SRGAP1: variants seen among roughly 807,000 people sequenced by gnomAD.
The protein encoded by SRGAP1 is SLIT-ROBO Rho GTPase activating protein 1.
A neutral mutation model predicts 121.9 loss-of-function variants in SRGAP1; 43 were observed. The ratio of observed to expected loss-of-function variants is 0.35; its 90% CI spans 0.28 to 0.46. The LOEUF is 0.46. Among genes scored for constraint, SRGAP1 ranks in the 20% least tolerant of loss-of-function variants. The pLI is 1.00. For missense variants in SRGAP1, 1,102 were observed against 1,350.9 expected (o/e 0.82, Z 2.89); for synonymous variants, 447 against 485.4 (o/e 0.92, Z 1.04).
chr12:64,034,497 C>T (rs879357984), intron 4 of SRGAP1, among the ~76,000 whole-genome samples: 1 of 152,130 alleles, frequency 6.6e-6, no homozygotes, highest in Admixed American at 6.5e-5. Flanking sequence ...TGATTTTCTT[C>T]CTTTTACCTC....
chr12:64,156,301 C>T lies in SRGAP1; in HGVS notation c.*13629C>T, dbSNP rs1011743891. 2.0e-5 allele frequency: 3 copies of T among 152,132 alleles called. No individual in the cohort carries two copies. The highest frequency in any genetic ancestry group is 7.2e-5 in the African/African-American group (3 of 41,422). The allele number at this position is 152,132 out of a possible 1,614,324, so 9.4% of individuals were successfully genotyped here. On this transcript the variant is annotated 3_prime_UTR_variant, in exon 22 of 22. Transcript: ENST00000355086. ...TTTGTAGACTCATTTGCAGGAAGAACAATGTCAGGTGGAGAGAAGGAATTG... is the reference window on the plus strand; with the variant it reads ...TTTGTAGACTCATTTGCAGGAAGAATAATGTCAGGTGGAGAGAAGGAATTG...
intron 1 of SRGAP1, among the ~76,000 whole-genome samples, chr12:63,963,797 T>A (rs886716735): frequency 6.8e-6 from 1 of 148,148 alleles, no homozygotes; most frequent in Non-Finnish European, 1.5e-5. Context: ...TAAAAAAAAA[T>A]GTTTAAATAC....
intron 18 of SRGAP1, 116 bp downstream of exon 18, chr12:64,116,009 C>A: frequency 2.2e-6 from 2 of 900,260 alleles, no homozygotes; most frequent in Non-Finnish European, 1.7e-6. Flanking sequence ...AATCCCAGCA[C>A]GTTGGGAAGC....
chr12:63,887,023 G>A (rs1015131940), intron 1 of SRGAP1, among the ~76,000 whole-genome samples: 4 of 152,028 alleles, frequency 2.6e-5, no homozygotes, highest in Admixed American at 6.6e-5. Context: ...ACAGGCATCC[G>A]CCACCATGCC....
chr12:64,066,407 TTTGA>T (rs1446727772), intron 8 of SRGAP1, among the ~76,000 whole-genome samples: 1 of 152,190 alleles, frequency 6.6e-6, no homozygotes. Flanking sequence ...CATAGAACTC[TTTGA>T]TTGAGAATTC....
At chr12:63,967,328 G>C (rs561629480) in intron 1 of SRGAP1, among the ~76,000 whole-genome samples, 1 of 152,268 alleles carries the variant, frequency 6.6e-6, no homozygotes, top group African/African-American at 2.4e-5. Flanking sequence ...TATAGTCCCA[G>C]TTACTCGGGA....
chr12:64,152,492 A>G lies in SRGAP1; in HGVS notation c.*9820A>G, dbSNP rs2037129245. Reference sequence around the variant, plus strand: ...GTATCTTCAAGCCTAATGCATCACTAACTAAATAGCAAATCGGCGGAACTG... The same window carrying G: ...GTATCTTCAAGCCTAATGCATCACTGACTAAATAGCAAATCGGCGGAACTG... On this transcript the variant is annotated 3_prime_UTR_variant, in exon 22 of 22. Coordinates refer to ENST00000355086, the MANE Select transcript of SRGAP1 (RefSeq NM_020762.4). The G allele has an allele frequency of 6.6e-6, 1 of 152,196 alleles. No individual in the cohort carries two copies. Among genetic ancestry groups the G allele is most frequent in the Admixed American group, 6.5e-5 (1 of 15,284 alleles). 9.4% of individuals were successfully genotyped at this position (152,196 alleles called of 1,614,324 possible).
At chr12:64,031,334 A>G (rs936176937) in intron 4 of SRGAP1, among the ~76,000 whole-genome samples, 1 of 151,700 alleles carries the variant, frequency 6.6e-6, no homozygotes, top group Non-Finnish European at 1.5e-5. Context: ...AAAAAAAAAA[A>G]AATAGCTGCC....
At chr12:63,934,624 T>G (rs975365242) in intron 1 of SRGAP1, among the ~76,000 whole-genome samples, 1 of 152,112 alleles carries the variant, frequency 6.6e-6, no homozygotes, top group African/African-American at 2.4e-5. Context: ...TAATCTCTGA[T>G]TTTTCCAGGA....
intron 15 of SRGAP1, among the ~76,000 whole-genome samples, chr12:64,098,307 T>C (rs1166371260): frequency 6.6e-6 from 1 of 151,800 alleles, no homozygotes; most frequent in Non-Finnish European, 1.5e-5. Flanking sequence ...GATTTTGCCT[T>C]CTTTTCCCAA....
intron 6 of SRGAP1, among the ~76,000 whole-genome samples, chr12:64,048,828 T>C (rs1291459069): frequency 6.6e-6 from 1 of 152,180 alleles, no homozygotes; most frequent in Non-Finnish European, 1.5e-5. Flanking sequence ...TTTAGATCTT[T>C]TGCCTATTCT....
At position 64,127,575 on chromosome 12, in the gene SRGAP1, C is replaced by T. The variant is rs1309504911; in HGVS notation, c.2406-15C>T. ...AATCTAGTAAATTTTGTCTCCATTCCTCTTACTGCTTCAGGGATGATACGT... is the reference window on the plus strand; with the variant it reads ...AATCTAGTAAATTTTGTCTCCATTCTTCTTACTGCTTCAGGGATGATACGT... On this transcript the variant is annotated splice_polypyrimidine_tract_variant and intron_variant, in intron 19 of 21. Transcript: ENST00000355086. The T allele has an allele frequency of 6.3e-7, 1 of 1,596,560 alleles. No individual in the cohort carries two copies. Among genetic ancestry groups the T allele is most frequent in the Admixed American group, 1.8e-5 (1 of 56,892 alleles).
chr12:64,034,992 C>T (rs2034867506), intron 4 of SRGAP1, among the ~76,000 whole-genome samples: 1 of 151,816 alleles, frequency 6.6e-6, no homozygotes, highest in Admixed American at 6.6e-5. Context: ...GTCCTGCTGG[C>T]CACTCATGAC....
chr12:64,095,636 T>G (rs951049655), intron 14 of SRGAP1, among the ~76,000 whole-genome samples: 1 of 152,214 alleles, frequency 6.6e-6, no homozygotes, highest in African/African-American at 2.4e-5. Context: ...GGGTGCCTTA[T>G]GCTTGTTCAT....
chr12:64,090,301 A>G (rs1203770188), intron 11 of SRGAP1, among the ~76,000 whole-genome samples: 2 of 152,260 alleles, frequency 1.3e-5, no homozygotes, highest in African/African-American at 2.4e-5. Context: ...CACCAGAGCA[A>G]ATGGGCAGAC....
intron 3 of SRGAP1, among the ~76,000 whole-genome samples, chr12:63,997,993 T>C (rs2033762355): frequency 6.6e-6 from 1 of 152,192 alleles, no homozygotes; most frequent in Admixed American, 6.5e-5. Flanking sequence ...ATCACTCTTT[T>C]GCCCAAATCT....
chr12:63,977,921 T>A (rs1393606873), intron 1 of SRGAP1, among the ~76,000 whole-genome samples: 2 of 152,220 alleles, frequency 1.3e-5, no homozygotes, highest in Non-Finnish European at 2.9e-5. Flanking sequence ...ATCACATTTT[T>A]CCGCCTAAAA....
At chr12:64,059,703 A>G (rs2035410448) in intron 6 of SRGAP1, among the ~76,000 whole-genome samples, 1 of 152,184 alleles carries the variant, frequency 6.6e-6, no homozygotes, top group South Asian at 2.1e-4. Context: ...TCTGATATGT[A>G]TAAAACCGCT....
intron 1 of SRGAP1, among the ~76,000 whole-genome samples, chr12:63,906,470 C>T (rs1378249806): frequency 2.0e-5 from 3 of 151,912 alleles, no homozygotes; most frequent in Admixed American, 6.6e-5. Context: ...GCTGCCACCA[C>T]GCCCGGCTAA....
Sources: gnomAD v4.1 joint callset for allele counts (sites outside exome capture counted in the v4.1 genomes callset) on GRCh38, gnomAD v4.1.1 for gene constraint, MANE v1.5 for transcripts, NCBI Gene and HGNC (gene_info 2026-07-23, HGNC 2026-07-21) for gene names.